The following AGPAT5 variants were observed in gnomAD, a reference collection of about 807,000 sequenced individuals.
AGPAT5 encodes 1-acylglycerol-3-phosphate O-acyltransferase 5.
A neutral mutation model predicts 45.6 loss-of-function variants in AGPAT5; 46 were observed. That is an observed-to-expected ratio of 1.01 (90% confidence interval 0.80 to 1.29). The LOEUF (loss-of-function observed/expected upper bound fraction) is 1.29. Ranked by LOEUF, AGPAT5 falls within the 50% of genes most tolerant of loss-of-function variation. AGPAT5 has a pLI of 0.00. For missense variants in AGPAT5, 673 were observed against 450.7 expected (o/e 1.49, Z -4.47); for synonymous variants, 272 against 167.0 (o/e 1.63, Z -4.85).
Position 6,760,730 on chromosome 8 carries a change from C to A in AGPAT5, c.*3342C>A, listed in dbSNP as rs1802010853. Among the ~76,000 whole-genome samples, 1 of 152,148 alleles carries A rather than the reference C, an allele frequency of 6.6e-6. No homozygotes were observed. Among genetic ancestry groups the A allele is most frequent in the South Asian group, 2.1e-4 (1 of 4,826 alleles). ...TTGGGCCAGTTTTCATTACGAGTAA[C>A]TCACACTTTTTGATTAAAGAACTTG... On this transcript the variant is annotated 3_prime_UTR_variant, in exon 8 of 8. Coordinates refer to ENST00000285518, the MANE Select transcript of AGPAT5 (RefSeq NM_018361.5).
At chr8:6,712,960 G>T (rs1394402482) in intron 1 of AGPAT5, among the ~76,000 whole-genome samples, 1 of 152,012 alleles carries the variant, frequency 6.6e-6, no homozygotes. Flanking sequence ...ATTGAAATTT[G>T]TAGGCCAAAA....
At position 6,761,096 on chromosome 8, in the gene AGPAT5, A is replaced by G. The variant is rs1332940796; in HGVS notation, c.*3708A>G. ...ACCTTGTTATTATAATATGTATACTATAATAATAGCTGGTTATCCTGAGCA... is the reference window on the plus strand; with the variant it reads ...ACCTTGTTATTATAATATGTATACTGTAATAATAGCTGGTTATCCTGAGCA... On this transcript the variant is annotated 3_prime_UTR_variant, in exon 8 of 8. Coordinates refer to ENST00000285518, the MANE Select transcript of AGPAT5 (RefSeq NM_018361.5). Among the ~76,000 whole-genome samples the G allele has an allele frequency of 2.0e-5, 3 of 152,210 alleles. No individual in the cohort carries two copies. The highest frequency in any genetic ancestry group is 2.9e-5 in the Non-Finnish European group (2 of 68,030).
chr8:6,738,747 G>C (rs535419682), intron 4 of AGPAT5, among the ~76,000 whole-genome samples: 3 of 152,076 alleles, frequency 2.0e-5, no homozygotes, highest in Admixed American at 1.3e-4. Context: ...TCCTATTTGT[G>C]AATAGTATCT....
chr8:6,709,142 G>C (rs546839597), intron 1 of AGPAT5: 5 of 564,252 alleles, frequency 8.9e-6, no homozygotes, highest in African/African-American at 7.6e-5. Context: ...CCCTCGCCTG[G>C]GTCTGATGCT....
At position 6,758,391 on chromosome 8, in the gene AGPAT5, C is replaced by T. The variant is rs1230872788; in HGVS notation, c.*1003C>T. ...TCGCGTTTCTGTAGTGTGGTGGATT[C>T]CCACTGGGCTCTGGTCCTTCCCTTG... On this transcript the variant is annotated 3_prime_UTR_variant, in exon 8 of 8. Transcript: ENST00000285518. The T allele has an allele frequency of 1.3e-5, 2 of 152,632 alleles. No individual in the cohort carries two copies. Among genetic ancestry groups the T allele is most frequent in the Non-Finnish European group, 2.9e-5 (2 of 68,056 alleles). 9.5% of individuals were successfully genotyped at this position (152,632 alleles called of 1,614,324 possible).
chr8:6,753,798 G>A (rs1801734837), intron 6 of AGPAT5, among the ~76,000 whole-genome samples: 1 of 152,198 alleles, frequency 6.6e-6, no homozygotes, highest in South Asian at 2.1e-4. Context: ...TTAGTGTTTT[G>A]CACATGTATT....
rs1057126288 is a variant in AGPAT5, at chr8:6,749,774, A to G, written c.745+1946A>G. On this transcript the variant is annotated intron_variant, in intron 6 of 7. Coordinates refer to ENST00000285518, the MANE Select transcript of AGPAT5 (RefSeq NM_018361.5). Reference sequence around the variant, plus strand: ...AAGATTAAACAAGTGTTTATAACCAATGAAAAACAGATAGACTCCCCATAA... The same window carrying G: ...AAGATTAAACAAGTGTTTATAACCAGTGAAAAACAGATAGACTCCCCATAA... 2.0e-5 allele frequency among the ~76,000 whole-genome samples: 3 copies of G among 152,370 alleles called. No homozygotes were observed. The East Asian group carries it at 5.8e-4, about 29-fold the overall frequency.
In AGPAT5 at chr8:6,755,194, G is replaced by A. The variant is rs771588932; in HGVS notation, c.869+20G>A. The stretch of plus-strand genomic sequence containing the variant: ...AGATAAGTGAGTAACAACAGTTCCA[G>A]CACTTCCGGAACTTCGGTTCAACTA... On this transcript the variant is annotated intron_variant, in intron 7 of 7. Transcript: ENST00000285518. 14 of 1,587,896 alleles carry A rather than the reference G, an allele frequency of 8.8e-6. No homozygotes were observed. The highest frequency in any genetic ancestry group is 1.1e-5 in the Non-Finnish European group (13 of 1,174,468).
intron 2 of AGPAT5, among the ~76,000 whole-genome samples, chr8:6,728,837 G>A (rs1417321712): frequency 6.6e-6 from 1 of 152,280 alleles, no homozygotes; most frequent in African/African-American, 2.4e-5. Flanking sequence ...AAAGAAATAT[G>A]TTTATCAGTT....
chr8:6,735,008 A>G (rs769328584), intron 4 of AGPAT5, among the ~76,000 whole-genome samples: 20 of 151,656 alleles, frequency 1.3e-4, no homozygotes, highest in Non-Finnish European at 2.9e-4. Context: ...TTGTTACTGA[A>G]CTCTCGCTAG....
Position 6,758,285 on chromosome 8 carries a change from C to T in AGPAT5, c.*897C>T, listed in dbSNP as rs1334784664. The T allele has an allele frequency of 1.3e-5, 2 of 152,610 alleles. No individual in the cohort carries two copies. Among genetic ancestry groups the T allele is most frequent in the South Asian group, 2.1e-4 (1 of 4,828 alleles). The allele number at this position is 152,610 out of a possible 1,614,324, so 9.5% of individuals were successfully genotyped here. On this transcript the variant is annotated 3_prime_UTR_variant, in exon 8 of 8. Coordinates refer to ENST00000285518, the MANE Select transcript of AGPAT5 (RefSeq NM_018361.5). ...CACAAGATTTTTAAGGTGATGAGAG[C>T]CTGCAGACATTCTGCCTAGATTTAC...
At chr8:6,743,635 C>G in intron 5 of AGPAT5, among the ~76,000 whole-genome samples, 1 of 152,168 alleles carries the variant, frequency 6.6e-6, no homozygotes, top group East Asian at 1.9e-4. Context: ...CTTTTCTCAG[C>G]TGTTCGAAGG....
chr8:6,735,990 A>T (rs1287229687), intron 4 of AGPAT5, among the ~76,000 whole-genome samples: 1 of 150,968 alleles, frequency 6.6e-6, no homozygotes, highest in Non-Finnish European at 1.5e-5. Flanking sequence ...AGTAGCTGGG[A>T]TTACAGGCGT....
chr8:6,709,056 G>A (rs773396474), intron 1 of AGPAT5, 169 bp downstream of exon 1: 4 of 742,402 alleles, frequency 5.4e-6, no homozygotes, highest in African/African-American at 5.2e-5. Flanking sequence ...CTGCCGTTCT[G>A]CCGAGATCGC....
chr8:6,715,992 C>T (rs1327115657), intron 1 of AGPAT5, among the ~76,000 whole-genome samples: 1 of 152,150 alleles, frequency 6.6e-6, no homozygotes, highest in Admixed American at 6.5e-5. Flanking sequence ...TCGTTGGTTT[C>T]ATTCTAGTCT....
chr8:6,728,929 T>G (rs1283116429), intron 2 of AGPAT5, among the ~76,000 whole-genome samples: 1 of 152,210 alleles, frequency 6.6e-6, no homozygotes, highest in East Asian at 1.9e-4. Flanking sequence ...AAGTGATCAT[T>G]GATAGCCCAA....
intron 2 of AGPAT5, among the ~76,000 whole-genome samples, chr8:6,729,345 C>CTT (rs57365087): frequency 0.091 from 13,031 of 143,102 alleles, 1,177 homozygotes; most frequent in African/African-American, 0.22. Context: ...TTTCTACAGA[C>CTT]TTTTTTTTTT....
chr8:6,733,290 C>T (rs116047087), intron 4 of AGPAT5, among the ~76,000 whole-genome samples: 174 of 152,272 alleles, frequency 1.1e-3, no homozygotes, highest in African/African-American at 4.0e-3. Context: ...AAGCTTAGCT[C>T]GTGTGCACAG....
rs773273084 is a variant in AGPAT5, at chr8:6,757,174, A to G, written c.881A>G (p.Glu294Gly). 1.2e-6 allele frequency: 2 copies of G among 1,613,182 alleles called. No individual in the cohort carries two copies. Among genetic ancestry groups the G allele is most frequent in the African/African-American group, 1.3e-5 (1 of 74,838 alleles). The change falls in exon 8 of 8, where the codon GAA (glutamate) becomes GGA (glycine). Residue 294 changes from glutamate to glycine, a missense_variant. By Grantham distance (98) the Glu-to-Gly change is moderately conservative. Transcript: ENST00000285518. Reference sequence around the variant, plus strand: ...CATTCTGGCCATAGGATGCTTATAGAATTTTATGAGTCACCAGATCCAGAA... The same window carrying G: ...CATTCTGGCCATAGGATGCTTATAGGATTTTATGAGTCACCAGATCCAGAA... ...RFEIKDKMLI[E>G]FYESPDPERR...
Sources: gnomAD v4.1 joint callset for allele counts (sites outside exome capture counted in the v4.1 genomes callset) on GRCh38, gnomAD v4.1.1 for gene constraint, MANE v1.5 for transcripts, NCBI Gene and HGNC (gene_info 2026-07-23, HGNC 2026-07-21) for gene names.